ALDH16A1: variants seen among roughly 807,000 people sequenced by gnomAD.
ALDH16A1 encodes aldehyde dehydrogenase 16 family member A1.
A neutral mutation model predicts 96.1 loss-of-function variants in ALDH16A1; 88 were observed. The observed-to-expected ratio is 0.92, with a 90% CI of 0.77 to 1.09. The LOEUF (loss-of-function observed/expected upper bound fraction) is 1.09. ALDH16A1 is among the 50% of genes least tolerant of loss of function. The probability of loss-of-function intolerance (pLI) is 0.00; values close to 1 mark genes in which losing one functional copy is unlikely to be tolerated. For missense variants in ALDH16A1, 1,250 were observed against 1,112.6 expected, an observed-to-expected ratio of 1.12 and a Z score of -1.76; for synonymous variants, 522 against 496.4, an observed-to-expected ratio of 1.05 and a Z score of -0.69.
intron 14 of ALDH16A1, among the ~76,000 whole-genome samples, chr19:49,467,255 A>T (rs995651149): frequency 2.0e-5 from 3 of 152,086 alleles, no homozygotes; most frequent in Non-Finnish European, 4.4e-5. Context: ...TCCTAGCTTC[A>T]AGTGATCCGC....
Position 49,465,764 on chromosome 19 carries a change from T to C in ALDH16A1, c.1595T>C (p.Val532Ala), listed in dbSNP as rs374430603. 1.1e-5 allele frequency: 17 copies of C among 1,613,982 alleles called. No individual in the cohort carries two copies. The highest frequency in any genetic ancestry group is 2.2e-5 in the South Asian group (2 of 91,078). ...PSPAPPYGLF[V>A]GGRFQAPGAR... ...CCAGCACCCCCCTATGGGCTCTTCG[T>C]TGGGGGCCGTTTCCAGGCTCCTGGG... is the stretch of plus-strand genomic sequence containing the variant. The change falls in exon 13 of 17, where the codon GTT (valine) becomes GCT (alanine). Residue 532 changes from valine (V) to alanine (A), a missense_variant. Val to Ala is a moderately conservative substitution (Grantham distance 64). Coordinates refer to ENST00000293350, the MANE Select transcript of ALDH16A1 (RefSeq NM_153329.4).
rs558352921 is a variant in ALDH16A1, at chr19:49,459,290, A to G, written c.320+204A>G. On this transcript the variant is annotated intron_variant, in intron 3 of 16. Coordinates refer to ENST00000293350, the MANE Select transcript of ALDH16A1 (RefSeq NM_153329.4). This position sits in a 1 kb window ranked among gnomAD's most constrained non-coding sequence, Gnocchi z 4.1. Reference sequence around the variant, plus strand: ...TGGGACTAGAAGCCACAAAGCCTCTATTTCCCAGGACATTCTTGGAGTGCA... The same window carrying G: ...TGGGACTAGAAGCCACAAAGCCTCTGTTTCCCAGGACATTCTTGGAGTGCA... Among the ~76,000 whole-genome samples, 1 of 152,308 alleles carries G rather than the reference A, an allele frequency of 6.6e-6. No individual in the cohort carries two copies. The highest frequency in any genetic ancestry group is 1.9e-4 in the East Asian group (1 of 5,178).
chr19:49,462,181 G>A (rs979457117), intron 7 of ALDH16A1, 145 bp downstream of exon 7: 2 of 1,254,804 alleles, frequency 1.6e-6, no homozygotes, highest in African/African-American at 1.6e-5. Flanking sequence ...CGCCCAGGCT[G>A]GGGTGCAGCG....
rs142023844 is a variant in ALDH16A1 at position 49,465,077 on chromosome 19, A to C, written c.1568+315A>C. Reference sequence around the variant, plus strand: ...GGAGCTTGGGGTCCCCCAGAGGCTCATGGGAGCAGAAACTTGGGGTCCTCC... The same window carrying C: ...GGAGCTTGGGGTCCCCCAGAGGCTCCTGGGAGCAGAAACTTGGGGTCCTCC... On this transcript the variant is annotated intron_variant, in intron 12 of 16. Coordinates refer to ENST00000293350, the MANE Select transcript of ALDH16A1 (RefSeq NM_153329.4). 7.6e-4 allele frequency among the ~76,000 whole-genome samples: 115 copies of C among 151,266 alleles called. No individual in the cohort carries two copies. The East Asian group carries it at 0.019, about 24-fold the overall frequency.
At chr19:49,470,158 G>A in intron 16 of ALDH16A1, 148 bp from the exon 17 acceptor site, 2 of 936,390 alleles carry the variant, frequency 2.1e-6, no homozygotes, top group South Asian at 1.6e-5. Flanking sequence ...CCATCTGGAA[G>A]TTCTGCTTGG....
At position 49,465,843 on chromosome 19, in the gene ALDH16A1, G is replaced by A; in HGVS notation, c.1674G>A (p.Val558=). The A allele has an allele frequency of 6.2e-7, 1 of 1,614,158 alleles. No individual in the cohort carries two copies. Among genetic ancestry groups the A allele is most frequent in the Non-Finnish European group, 8.5e-7 (1 of 1,180,008 alleles). Residue 558 remains valine, a synonymous_variant, in exon 13 of 17, where the codon GTG becomes GTA. Transcript: ENST00000293350. ...RDSSGNLHGY[V]AEGGAKDIRG... is the part of the protein sequence containing the mutation. ...CGTCTGGCAACCTCCATGGCTACGT[G>A]GCTGAGGGTGGAGCCAAGGACATCC...
In ALDH16A1 at chr19:49,464,499, T is replaced by C; in HGVS notation, c.1414T>C (p.Cys472Arg). Residue 472 changes from cysteine to arginine, a missense_variant, in exon 11 of 17, where the codon TGT becomes CGT. Cys to Arg is a radical substitution (Grantham distance 180, BLOSUM62 -3). Coordinates refer to ENST00000293350, the MANE Select transcript of ALDH16A1 (RefSeq NM_153329.4). ...CACAGGCGGCTGCAAGGAGAGTGGG[T>C]GTTCCTGGCACGGGGGCCCAGACGT... ...VPTGGCKESG[C>R]SWHGGPDGLY... The C allele has an allele frequency of 6.2e-7, 1 of 1,613,680 alleles. No homozygotes were observed. Among genetic ancestry groups the C allele is most frequent in the Non-Finnish European group, 8.5e-7 (1 of 1,179,892 alleles).
At chr19:49,466,982 G>T (rs1450840089) in intron 14 of ALDH16A1, among the ~76,000 whole-genome samples, 1 of 152,154 alleles carries the variant, frequency 6.6e-6, no homozygotes, top group Non-Finnish European at 1.5e-5. Context: ...AACCAGCCTG[G>T]GCAACACAGT....
rs1183311566 is a variant in ALDH16A1 at position 49,453,262 on chromosome 19, C to T, written c.-70C>T. ...TTGGGCTGGAACCGGAGGTGTCGCTCTTCGGACCTCAAGGTTCCCCTTAAC... is the reference window on the plus strand; with the variant it reads ...TTGGGCTGGAACCGGAGGTGTCGCTTTTCGGACCTCAAGGTTCCCCTTAAC... On this transcript the variant is annotated 5_prime_UTR_variant, in exon 1 of 17. Transcript: ENST00000293350. 8.6e-6 allele frequency: 12 copies of T among 1,402,510 alleles called. No homozygotes were observed. The highest frequency in any genetic ancestry group is 1.1e-5 in the Non-Finnish European group (11 of 1,044,226). 86.9% of individuals were successfully genotyped at this position (1,402,510 alleles called of 1,614,324 possible). A position where few individuals can be genotyped will look rare whatever the true frequency, so the allele number is the denominator to read the frequency against.
chr19:49,456,408 A>G (rs1429619176), intron 1 of ALDH16A1, among the ~76,000 whole-genome samples: 1 of 152,146 alleles, frequency 6.6e-6, no homozygotes, highest in Non-Finnish European at 1.5e-5. Context: ...TTTGTTTGAG[A>G]CAGGATCTTA....
In ALDH16A1 at chr19:49,464,706, C is replaced by A; in HGVS notation, c.1512C>A (p.Asp504Glu). 3 of 1,613,636 alleles carry A rather than the reference C, an allele frequency of 1.9e-6. No individual in the cohort carries two copies. The highest frequency in any genetic ancestry group is 1.3e-5 in the African/African-American group (1 of 75,058). ...LSCLSKNLNYDTFGLAVPSTL... is the reference protein window; with the variant it reads ...LSCLSKNLNYETFGLAVPSTL... ...GCCTCTCCAAGAACCTGAACTATGACACCTTTGGCCTCGCTGTTCCCTCAA... is the reference window on the plus strand; with the variant it reads ...GCCTCTCCAAGAACCTGAACTATGAAACCTTTGGCCTCGCTGTTCCCTCAA... The change falls in exon 12 of 17, where the codon GAC (aspartate) becomes GAA (glutamate). Residue 504 changes from aspartate to glutamate, a missense_variant. Physicochemically the swap from Asp to Glu is conservative, Grantham distance 45. Transcript: ENST00000293350.
chr19:49,453,434 C>G lies in ALDH16A1; in HGVS notation c.90+13C>G, dbSNP rs753763927. On this transcript the variant is annotated intron_variant, in intron 1 of 16. Transcript: ENST00000293350. Reference sequence around the variant, plus strand: ...CGCATGCGCACTGGTGAGAGTCTGCCCGGCCGGCGCTGCTCGCTGCGTTCC... The same window carrying G: ...CGCATGCGCACTGGTGAGAGTCTGCGCGGCCGGCGCTGCTCGCTGCGTTCC... 1.3e-6 allele frequency: 2 copies of G among 1,518,382 alleles called. No homozygotes were observed. The highest frequency in any genetic ancestry group is 1.4e-5 in the African/African-American group (1 of 72,926). 94.1% of individuals were successfully genotyped at this position (1,518,382 alleles called of 1,614,324 possible). A position where few individuals can be genotyped will look rare whatever the true frequency, so the allele number is the denominator to read the frequency against.
chr19:49,454,926 C>G (rs1332937385), intron 1 of ALDH16A1, among the ~76,000 whole-genome samples: 2 of 152,114 alleles, frequency 1.3e-5, no homozygotes, highest in Non-Finnish European at 2.9e-5. Flanking sequence ...CGAGACCAGC[C>G]TGGCCAACAT....
At position 49,453,388 on chromosome 19, in the gene ALDH16A1, C is replaced by T. The variant is rs1322921155; in HGVS notation, c.57C>T (p.Tyr19=). 2.6e-6 allele frequency: 4 copies of T among 1,563,490 alleles called. No individual in the cohort carries two copies. The highest frequency in any genetic ancestry group is 2.4e-5 in the East Asian group (1 of 42,368). The part of the protein sequence containing the change: ...RAREIFTSLE[Y]GPVPESHACA... The stretch of plus-strand genomic sequence containing the variant: ...GCGAGATCTTCACCTCGCTGGAGTA[C>T]GGACCGGTGCCGGAGAGCCACGCAT... Residue 19 remains tyrosine (Y), a synonymous_variant, in exon 1 of 17, where the codon TAC becomes TAT. Coordinates refer to ENST00000293350, the MANE Select transcript of ALDH16A1 (RefSeq NM_153329.4).
At chr19:49,462,488 T>A in intron 7 of ALDH16A1, 82 bp from the exon 8 acceptor site, 1 of 1,489,788 alleles carries the variant, frequency 6.7e-7, no homozygotes, top group East Asian at 2.3e-5. Flanking sequence ...TCCCTAGTTT[T>A]CCAGCCTCTG....
At position 49,459,753 on chromosome 19, in the gene ALDH16A1, G is replaced by A. The variant is rs148896743; in HGVS notation, c.404G>A (p.Arg135Gln). 190 of 1,613,680 alleles carry A rather than the reference G, an allele frequency of 1.2e-4. No individual in the cohort carries two copies. Among genetic ancestry groups the A allele is most frequent in the African/African-American group, 1.1e-3 (83 of 75,010 alleles). The change falls in exon 4 of 17, where the codon CGA becomes CAA. Residue 135 changes from arginine (R) to glutamine (Q), a missense_variant. Arg to Gln is a conservative substitution (Grantham distance 43, BLOSUM62 1). Coordinates refer to ENST00000293350, the MANE Select transcript of ALDH16A1 (RefSeq NM_153329.4). The surrounding 1 kb of genome is among the most constrained non-coding windows in gnomAD (Gnocchi z 4.1). Reference protein sequence around the residue: ...LVTGRAVREVRDGDVQLAQQL... With the variant: ...LVTGRAVREVQDGDVQLAQQL... ...ACTGGGCGGGCTGTTCGAGAGGTTC[G>A]AGACGGGGACGTCCAGCTGGCCCAG...
rs1180684556 is a variant in ALDH16A1, at chr19:49,453,440, G to A, written c.90+19G>A. The A allele has an allele frequency of 3.3e-6, 5 of 1,512,282 alleles. No homozygotes were observed. The highest frequency in any genetic ancestry group is 2.0e-5 in the Admixed American group (1 of 50,020). 93.7% of individuals were successfully genotyped at this position (1,512,282 alleles called of 1,614,324 possible). ...CGCACTGGTGAGAGTCTGCCCGGCC[G>A]GCGCTGCTCGCTGCGTTCCCCAGGC... On this transcript the variant is annotated intron_variant, in intron 1 of 16. Coordinates refer to ENST00000293350, the MANE Select transcript of ALDH16A1 (RefSeq NM_153329.4).
At position 49,464,496 on chromosome 19, in the gene ALDH16A1, G is replaced by T; in HGVS notation, c.1411G>T (p.Gly471Trp). 1 of 1,613,754 alleles carries T rather than the reference G, an allele frequency of 6.2e-7. No homozygotes were observed. Residue 471 changes from glycine (G) to tryptophan (W), a missense_variant, in exon 11 of 17, where the codon GGG becomes TGG. Transcript: ENST00000293350. ...GCCCACAGGCGGCTGCAAGGAGAGT[G>T]GGTGTTCCTGGCACGGGGGCCCAGA... The part of the protein sequence containing the change: ...SVPTGGCKES[G>W]CSWHGGPDGL...
At position 49,458,486 on chromosome 19, in the gene ALDH16A1, G is replaced by C; in HGVS notation, c.91G>C (p.Ala31Pro). The change falls in exon 2 of 17, where the codon GCC becomes CCC. Residue 31 changes from alanine to proline, a missense_variant and splice_region_variant. Coordinates refer to ENST00000293350, the MANE Select transcript of ALDH16A1 (RefSeq NM_153329.4). ...TCCAAACTGTCTCTACCTCCCCCAGGCCTGGCTGGACACCCAGGACCGGTG... is the reference window on the plus strand; with the variant it reads ...TCCAAACTGTCTCTACCTCCCCCAGCCCTGGCTGGACACCCAGGACCGGTG... ...PVPESHACAL[A>P]WLDTQDRCLG... The C allele has an allele frequency of 1.9e-6, 3 of 1,558,176 alleles. No homozygotes were observed. The highest frequency in any genetic ancestry group is 2.6e-6 in the Non-Finnish European group (3 of 1,149,700).
Sources: allele counts gnomAD v4.1 joint callset (sites outside exome capture counted in the v4.1 genomes callset), GRCh38; gene constraint gnomAD v4.1.1; non-coding constraint Gnocchi (gnomAD v3.1); transcripts MANE v1.5; gene names NCBI Gene and HGNC (gene_info 2026-07-23, HGNC 2026-07-21).